C10orf88: variants seen among roughly 807,000 people sequenced by gnomAD.
C10orf88 encodes the protein ATPase PAAT.
Under a neutral mutation model 34.2 loss-of-function variants are expected in C10orf88, and 29 were observed. The ratio of observed to expected loss-of-function variants is 0.85; its 90% CI spans 0.63 to 1.16. The LOEUF (loss-of-function observed/expected upper bound fraction) is 1.16. C10orf88 is among the 50% of genes most tolerant of loss of function. The pLI is 0.00. For synonymous variants in C10orf88, 194 were observed against 197.4 expected, an observed-to-expected ratio of 0.98 and a Z score of 0.15; for missense variants, 507 against 533.2, an observed-to-expected ratio of 0.95 and a Z score of 0.48.
intron 5 of C10orf88, among the ~76,000 whole-genome samples, chr10:122,933,074 G>A (rs1461811256): frequency 1.3e-5 from 2 of 152,012 alleles, no homozygotes; most frequent in Non-Finnish European, 2.9e-5. Context: ...ACTACTAGAA[G>A]GTTCTTTTTT....
At position 122,952,013 on chromosome 10, in the gene C10orf88, T is replaced by A; in HGVS notation, c.382A>T (p.Ile128Phe). 6.7e-7 allele frequency: 1 copy of A among 1,482,676 alleles called. No individual in the cohort carries two copies. Among genetic ancestry groups the A allele is most frequent in the Non-Finnish European group, 9.3e-7 (1 of 1,071,650 alleles). 91.8% of individuals were successfully genotyped at this position (1,482,676 alleles called of 1,614,324 possible). A position where few individuals can be genotyped will look rare whatever the true frequency, so the allele number is the denominator to read the frequency against. ...TVLDDSEHEK[I>F]ILYKKNLKLE... ...TTTAGATTTTTTTTATACAAAATGA[T>A]CTTTTCATGTTCACTAAAAATAAAA... The change falls in exon 3 of 6, where the codon ATC becomes TTC. Residue 128 changes from isoleucine (I) to phenylalanine (F), a missense_variant. By Grantham distance (21) the Ile-to-Phe change is conservative. Coordinates refer to ENST00000481909, the MANE Select transcript of C10orf88 (RefSeq NM_024942.4).
chr10:122,937,389 TAA>T (rs1022402861), intron 5 of C10orf88, among the ~76,000 whole-genome samples: 2 of 151,884 alleles, frequency 1.3e-5, no homozygotes, highest in African/African-American at 4.8e-5. Flanking sequence ...AAAAACAACA[TAA>T]AGATTATAAT....
At chr10:122,941,164 C>G (rs940876757) in intron 4 of C10orf88, among the ~76,000 whole-genome samples, 2 of 151,916 alleles carry the variant, frequency 1.3e-5, no homozygotes, top group Non-Finnish European at 2.9e-5. Flanking sequence ...AATATGTTTT[C>G]TTTGAGAAAA....
At position 122,932,625 on chromosome 10, in the gene C10orf88, C is replaced by A. The variant is rs771976221; in HGVS notation, c.1140G>T (p.Lys380Asn). ...EEQSICSYLE[K>N]ILSKNMELME... Reference sequence around the variant, plus strand: ...TCAGTTCCATATTTTTAGAAAGAATCTTTTCCAAGTAGGAGCAAATAGATT... The same window carrying A: ...TCAGTTCCATATTTTTAGAAAGAATATTTTCCAAGTAGGAGCAAATAGATT... The change falls in exon 6 of 6, where the codon AAG becomes AAT. Residue 380 changes from lysine (K) to asparagine (N), a missense_variant. By Grantham distance (94) the Lys-to-Asn change is moderately conservative. Transcript: ENST00000481909. 1.3e-5 allele frequency: 21 copies of A among 1,612,792 alleles called. No homozygotes were observed. In the East Asian group the frequency reaches 4.5e-4, roughly 34 times the overall value.
At chr10:122,935,133 G>A (rs1848522943) in intron 5 of C10orf88, among the ~76,000 whole-genome samples, 1 of 152,006 alleles carries the variant, frequency 6.6e-6, no homozygotes, top group Non-Finnish European at 1.5e-5. Context: ...TCCCCTAACA[G>A]TGTCTTTCAT....
chr10:122,936,469 T>C (rs1848534628), intron 5 of C10orf88, among the ~76,000 whole-genome samples: 1 of 151,930 alleles, frequency 6.6e-6, no homozygotes, highest in Non-Finnish European at 1.5e-5. Context: ...ATTATTTCCT[T>C]CTTTCTGCTT....
chr10:122,953,714 G>A (rs752146143), intron 1 of C10orf88, among the ~76,000 whole-genome samples: 1 of 152,176 alleles, frequency 6.6e-6, no homozygotes, highest in South Asian at 2.1e-4. Flanking sequence ...GAGGGTAGAG[G>A]GGCGGACTGA....
intron 4 of C10orf88, among the ~76,000 whole-genome samples, chr10:122,941,159 G>A (rs764228444): frequency 6.6e-6 from 1 of 151,930 alleles, no homozygotes; most frequent in Non-Finnish European, 1.5e-5. Context: ...AACTGAATAT[G>A]TTTTCTTTGA....
At position 122,931,889 on chromosome 10, in the gene C10orf88, C is replaced by T. The variant is rs72839730; in HGVS notation, c.*538G>A. 3,097 of 152,692 alleles carry T rather than the reference C, an allele frequency of 0.02. 50 individuals are homozygous for T. Among genetic ancestry groups the T allele is most frequent in the Non-Finnish European group, 0.027 (1,828 of 68,064 alleles). 9.5% of individuals were successfully genotyped at this position (152,692 alleles called of 1,614,324 possible). A position where few individuals can be genotyped will look rare whatever the true frequency, so the allele number is the denominator to read the frequency against. On this transcript the variant is annotated 3_prime_UTR_variant, in exon 6 of 6. Coordinates refer to ENST00000481909, the MANE Select transcript of C10orf88 (RefSeq NM_024942.4). ...TAATGAAACAAATAATATTAACAAC[C>T]CCAGAGTGAACTAAGTTTACACATG...
At position 122,937,688 on chromosome 10, in the gene C10orf88, C is replaced by G. The variant is rs769217092; in HGVS notation, c.1103+17G>C. The G allele has an allele frequency of 3.2e-6, 5 of 1,563,910 alleles. No individual in the cohort carries two copies. The Admixed American group carries it at 9.3e-5, about 29-fold the overall frequency. On this transcript the variant is annotated intron_variant, in intron 5 of 5. Coordinates refer to ENST00000481909, the MANE Select transcript of C10orf88 (RefSeq NM_024942.4). Reference sequence around the variant, plus strand: ...ACCTACCAAATCGAAACTCGTATGTCTTAAAATAATACTTACCCAACACCA... The same window carrying G: ...ACCTACCAAATCGAAACTCGTATGTGTTAAAATAATACTTACCCAACACCA...
At chr10:122,951,153 C>G (rs1848686391) in intron 3 of C10orf88, among the ~76,000 whole-genome samples, 1 of 152,190 alleles carries the variant, frequency 6.6e-6, no homozygotes, top group Non-Finnish European at 1.5e-5. Context: ...GTTACCTTAA[C>G]AATATTTTTC....
chr10:122,935,692 A>C (rs1848528612), intron 5 of C10orf88, among the ~76,000 whole-genome samples: 1 of 151,884 alleles, frequency 6.6e-6, no homozygotes, highest in South Asian at 2.1e-4. Flanking sequence ...GAATTACATT[A>C]AATTTATATA....
intron 5 of C10orf88, among the ~76,000 whole-genome samples, chr10:122,935,972 T>C (rs1848531044): frequency 6.6e-6 from 1 of 151,952 alleles, no homozygotes; most frequent in Non-Finnish European, 1.5e-5. Context: ...AGGCTAATAC[T>C]GACTTCACAG....
chr10:122,951,572 A>T (rs1231519404), intron 3 of C10orf88, among the ~76,000 whole-genome samples: 1 of 152,166 alleles, frequency 6.6e-6, no homozygotes, highest in East Asian at 1.9e-4. Flanking sequence ...AAAAAAAAAA[A>T]AATTTCTTAA....
intron 5 of C10orf88, among the ~76,000 whole-genome samples, chr10:122,937,282 T>C (rs994737536): frequency 3.9e-5 from 6 of 152,202 alleles, no homozygotes; most frequent in African/African-American, 1.4e-4. Flanking sequence ...TATAGTTTTT[T>C]AATAATCAGG....
chr10:122,938,299 C>G, intron 4 of C10orf88, 140 bp from the exon 5 acceptor site: 1 of 732,440 alleles, frequency 1.4e-6, no homozygotes, highest in Non-Finnish European at 2.1e-6. Context: ...TAATACTATC[C>G]CAATATTAAG....
At chr10:122,952,130 T>C in intron 2 of C10orf88, 104 bp from the exon 3 acceptor site, 1 of 658,362 alleles carries the variant, frequency 1.5e-6, no homozygotes, top group Non-Finnish European at 2.5e-6. Flanking sequence ...AATCCTAAGA[T>C]TCAGTTTTCC....
intron 4 of C10orf88, 147 bp from the exon 5 acceptor site, chr10:122,938,306 T>G (rs780298806): frequency 6.5e-5 from 45 of 693,152 alleles, no homozygotes; most frequent in Non-Finnish European, 8.8e-5. Context: ...ATCCCAATAT[T>G]AAGCTGAGGA....
At chr10:122,953,074 C>G (rs1474354602) in intron 1 of C10orf88, 42 bp from the exon 2 acceptor site, 2 of 1,458,440 alleles carry the variant, frequency 1.4e-6, no homozygotes, top group African/African-American at 1.4e-5. Context: ...GTATAGTTCT[C>G]TGAACATGAC....
Sources: gnomAD v4.1 joint callset for allele counts (sites outside exome capture counted in the v4.1 genomes callset) on GRCh38, gnomAD v4.1.1 for gene constraint, MANE v1.5 for transcripts, NCBI Gene and HGNC (gene_info 2026-07-23, HGNC 2026-07-21) for gene names.